Variants in PTPRJ observed in about 807,000 individuals in gnomAD.
PTPRJ encodes the protein protein tyrosine phosphatase receptor type J, also known as receptor-type tyrosine-protein phosphatase eta.
Under a neutral mutation model 141.3 loss-of-function variants are expected in PTPRJ, and 129 were observed. The ratio of observed to expected loss-of-function variants is 0.91; its 90% CI spans 0.79 to 1.06. The LOEUF (loss-of-function observed/expected upper bound fraction) is 1.06. Among genes scored for constraint, PTPRJ ranks in the 50% least tolerant of loss-of-function variants. PTPRJ has a pLI of 0.00. For missense variants in PTPRJ, 1,601 were observed against 1,679.7 expected, an observed-to-expected ratio of 0.95 and a Z score of 0.82; for synonymous variants, 610 against 640.5, an observed-to-expected ratio of 0.95 and a Z score of 0.72.
chr11:48,134,331 G>A (rs1353143841), intron 8 of PTPRJ, among the ~76,000 whole-genome samples: 1 of 152,128 alleles, frequency 6.6e-6, no homozygotes, highest in East Asian at 1.9e-4. Flanking sequence ...TGGCTAAAGA[G>A]TATTTCATCA....
At chr11:48,124,257 G>T (rs1409858075) in intron 5 of PTPRJ, among the ~76,000 whole-genome samples, 1 of 152,194 alleles carries the variant, frequency 6.6e-6, no homozygotes. Flanking sequence ...AGGATCCCCA[G>T]GATAACTCCA....
At chr11:47,991,303 G>C (rs2134179012) in intron 1 of PTPRJ, among the ~76,000 whole-genome samples, 1 of 152,208 alleles carries the variant, frequency 6.6e-6, no homozygotes, top group East Asian at 1.9e-4. Flanking sequence ...AAAACGTAGG[G>C]CTTTCTTTGT....
intron 1 of PTPRJ, among the ~76,000 whole-genome samples, chr11:48,089,841 G>A (rs1855820580): frequency 6.6e-6 from 1 of 152,162 alleles, no homozygotes; most frequent in South Asian, 2.1e-4. Context: ...TTCCAGGCCT[G>A]GCTCTGCTAT....
chr11:48,139,108 G>C (rs1857171709), intron 10 of PTPRJ, among the ~76,000 whole-genome samples: 1 of 152,140 alleles, frequency 6.6e-6, no homozygotes, highest in Non-Finnish European at 1.5e-5. Context: ...ACTCCAGCCT[G>C]GTCGACAGAG....
At chr11:48,053,244 T>TA (rs1235368031) in intron 1 of PTPRJ, among the ~76,000 whole-genome samples, 1 of 84,624 alleles carries the variant, frequency 1.2e-5, no homozygotes, top group Non-Finnish European at 2.1e-5. Context: ...TATAATATAT[T>TA]TATATAATAT....
In PTPRJ at chr11:48,167,549, A is replaced by T; in HGVS notation, c.*187A>T. On this transcript the variant is annotated 3_prime_UTR_variant, in exon 25 of 25. Coordinates refer to ENST00000418331, the MANE Select transcript of PTPRJ (RefSeq NM_002843.4). ...AAATTGGGGCTGTCGGGGGCTGTGG[A>T]TGGGTGGGGAGCAAATCATCTGCAT... 1.9e-6 allele frequency: 1 copy of T among 540,406 alleles called. No individual in the cohort carries two copies. Among genetic ancestry groups the T allele is most frequent in the East Asian group, 3.4e-5 (1 of 29,104 alleles). 33.5% of individuals were successfully genotyped at this position (540,406 alleles called of 1,614,324 possible). A position where few individuals can be genotyped will look rare whatever the true frequency, so the allele number is the denominator to read the frequency against.
intron 24 of PTPRJ, among the ~76,000 whole-genome samples, chr11:48,166,193 C>T (rs1337073418): frequency 6.6e-6 from 1 of 151,566 alleles, no homozygotes; most frequent in Non-Finnish European, 1.5e-5. Flanking sequence ...TCTTCCTTCC[C>T]CAATCCTGCT....
At chr11:47,990,053 G>A (rs913424203) in intron 1 of PTPRJ, among the ~76,000 whole-genome samples, 5 of 152,094 alleles carry the variant, frequency 3.3e-5, no homozygotes, top group South Asian at 2.1e-4. Context: ...AAAATACCAC[G>A]AGGTATTCCA....
At chr11:48,014,861 C>A (rs1398396207) in intron 1 of PTPRJ, among the ~76,000 whole-genome samples, 1 of 152,140 alleles carries the variant, frequency 6.6e-6, no homozygotes, top group East Asian at 1.9e-4. Context: ...CGCCACCATG[C>A]CCGGCTAATT....
intron 1 of PTPRJ, among the ~76,000 whole-genome samples, chr11:47,997,000 G>A (rs970718218): frequency 3.9e-5 from 6 of 152,246 alleles, no homozygotes; most frequent in African/African-American, 1.4e-4. Flanking sequence ...ACCTGGCTTA[G>A]GCTTTGCACC....
intron 1 of PTPRJ, among the ~76,000 whole-genome samples, chr11:48,077,461 C>T (rs755856971): frequency 3.3e-5 from 5 of 152,114 alleles, no homozygotes; most frequent in Admixed American, 3.3e-4. Flanking sequence ...TTGGAGTGAC[C>T]GACTCTTCCA....
rs1198972423 is a variant in PTPRJ at position 47,980,572 on chromosome 11, T to C, written c.-341T>C. 3 of 982,510 alleles carry C rather than the reference T, an allele frequency of 3.1e-6. No homozygotes were observed. The highest frequency in any genetic ancestry group is 3.6e-6 in the Non-Finnish European group (3 of 828,874). The allele number at this position is 982,510 out of a possible 1,614,324, so 60.9% of individuals were successfully genotyped here. A position where few individuals can be genotyped will look rare whatever the true frequency, so the allele number is the denominator to read the frequency against. On this transcript the variant is annotated 5_prime_UTR_variant, in exon 1 of 25. An upstream start codon of the reference 5' UTR is lost. Coordinates refer to ENST00000418331, the MANE Select transcript of PTPRJ (RefSeq NM_002843.4). ...GCTCCCTGCAGCAGCCCCAGCCGCA[T>C]GACGCGCGGAGGAGGCAGCGGGAGC...
intron 1 of PTPRJ, among the ~76,000 whole-genome samples, chr11:48,071,650 G>A (rs1425041292): frequency 1.1e-5 from 1 of 89,618 alleles, no homozygotes; most frequent in Non-Finnish European, 2.1e-5. Context: ...GCTCTGTTGT[G>A]CAGGCTGGAG....
chr11:48,003,873 C>G (rs1429459995), intron 1 of PTPRJ, among the ~76,000 whole-genome samples: 2 of 152,172 alleles, frequency 1.3e-5, no homozygotes, highest in East Asian at 3.9e-4. Flanking sequence ...CACTTTTTGT[C>G]CGTGTGTGAG....
At chr11:48,133,486 G>C (rs536542474) in intron 8 of PTPRJ, among the ~76,000 whole-genome samples, 34 of 152,092 alleles carry the variant, frequency 2.2e-4, no homozygotes, top group African/African-American at 7.7e-4. Context: ...ACTCTTAGGG[G>C]GGTTACCTTT....
At chr11:48,067,963 G>C (rs115666168) in intron 1 of PTPRJ, among the ~76,000 whole-genome samples, 8,078 of 152,242 alleles carry the variant, frequency 0.053, 202 homozygotes, top group Middle Eastern at 0.068. Context: ...TATTAATCCA[G>C]CCCAATATGA....
In PTPRJ at chr11:47,998,121, AT is replaced by A. The variant is rs781616037; in HGVS notation, c.96+17128del. Reference sequence around the variant, plus strand: ...GACTTGGTCAGAACTTCAATCCTTGATTTTTTTTTTTTTTTAACCCGAATTT... The same window carrying A: ...GACTTGGTCAGAACTTCAATCCTTGATTTTTTTTTTTTTTAACCCGAATTT... On this transcript the variant is annotated intron_variant, in intron 1 of 24. Transcript: ENST00000418331. 7.7e-3 allele frequency among the ~76,000 whole-genome samples: 1,103 copies of A among 142,554 alleles called. 3 individuals carry two copies. The highest frequency in any genetic ancestry group is 9.8e-3 in the African/African-American group (383 of 39,244). 93.5% of individuals were successfully genotyped at this position (142,554 alleles called of 152,430 possible).
chr11:48,083,188 G>A (rs1469115441), intron 1 of PTPRJ, among the ~76,000 whole-genome samples: 4 of 152,216 alleles, frequency 2.6e-5, no homozygotes, highest in East Asian at 1.9e-4. Flanking sequence ...CACTTTTGGA[G>A]GCCGAGGTGG....
At chr11:48,160,854 TGA>T (rs1857752910) in intron 22 of PTPRJ, among the ~76,000 whole-genome samples, 1 of 152,144 alleles carries the variant, frequency 6.6e-6, no homozygotes, top group Admixed American at 6.5e-5. Flanking sequence ...AACTTAACTA[TGA>T]CTCGTCTGCT....
Sources: gnomAD v4.1 joint callset for allele counts (sites outside exome capture counted in the v4.1 genomes callset) on GRCh38, gnomAD v4.1.1 for gene constraint, MANE v1.5 for transcripts, NCBI Gene and HGNC (gene_info 2026-07-23, HGNC 2026-07-21) for gene names.